Variants in TENM4 observed in about 807,000 individuals in gnomAD.
The protein encoded by TENM4 is teneurin-4.
Under a neutral mutation model 243.3 loss-of-function variants are expected in TENM4, and 82 were observed. That is an observed-to-expected ratio of 0.34 (90% confidence interval 0.28 to 0.40). The LOEUF (loss-of-function observed/expected upper bound fraction) is 0.40. Among genes scored for constraint, TENM4 ranks in the 10% least tolerant of loss-of-function variants. TENM4 has a pLI of 1.00. For missense variants in TENM4, 3,138 were observed against 3,673.3 expected (o/e 0.85, Z 3.77); for synonymous variants, 1,412 against 1,456.3 (o/e 0.97, Z 0.69).
intron 1 of TENM4, among the ~76,000 whole-genome samples, chr11:79,384,937 T>TTAAAATAAAATAAAATAAAA (rs58915516): frequency 0.17 from 18,960 of 114,222 alleles, 2,603 homozygotes; most frequent in Non-Finnish European, 0.21. Context: ...AAAAATAAAA[T>TTAAAATAAAATAAAATAAAA]TAAAATAAAA....
intron 4 of TENM4, among the ~76,000 whole-genome samples, chr11:79,117,504 C>T (rs933529576): frequency 6.6e-6 from 1 of 152,184 alleles, no homozygotes; most frequent in Non-Finnish European, 1.5e-5. Flanking sequence ...GAGCACCTGC[C>T]AGGTGATGGG....
intron 1 of TENM4, among the ~76,000 whole-genome samples, chr11:79,359,440 A>G (rs757608798): frequency 2.0e-5 from 3 of 152,206 alleles, no homozygotes; most frequent in Non-Finnish European, 2.9e-5. Flanking sequence ...TACAGAGGAA[A>G]TAATAGGATG....
chr11:79,402,815 T>TC (rs753867351), intron 1 of TENM4, among the ~76,000 whole-genome samples: 4 of 152,244 alleles, frequency 2.6e-5, no homozygotes, highest in Non-Finnish European at 4.4e-5. Context: ...CATGAAGTTG[T>TC]CAATATTAGA....
intron 9 of TENM4, among the ~76,000 whole-genome samples, chr11:78,873,637 C>A (rs572500623): frequency 6.6e-6 from 1 of 152,270 alleles, no homozygotes; most frequent in African/African-American, 2.4e-5. Context: ...AACAAAGAAA[C>A]CAACATTGCC....
intron 2 of TENM4, among the ~76,000 whole-genome samples, chr11:79,233,556 CT>C: frequency 6.6e-6 from 1 of 152,210 alleles, no homozygotes; most frequent in Admixed American, 6.5e-5. Context: ...AGGCTGACCC[CT>C]GGTTTCCAGA....
chr11:78,801,845 C>G (rs927571373), intron 15 of TENM4, among the ~76,000 whole-genome samples: 4 of 152,164 alleles, frequency 2.6e-5, no homozygotes, highest in Non-Finnish European at 5.9e-5. Flanking sequence ...CTCTGCCATG[C>G]CAGGCAGCAA....
At position 79,342,176 on chromosome 11, in the gene TENM4, G is replaced by A. The variant is rs537377111; in HGVS notation, c.-320-44633C>T. ...AGCTGCCTGGCCCAAGTACCAGGGG[G>A]GCTGTCCAAGCTCTGTGCTGCCAGA... On this transcript the variant is annotated intron_variant, in intron 1 of 33. Coordinates refer to ENST00000278550, the MANE Select transcript of TENM4 (RefSeq NM_001098816.3). 5.1e-4 allele frequency among the ~76,000 whole-genome samples: 77 copies of A among 152,264 alleles called. 1 individual carries two copies. The South Asian group carries it at 0.013, about 25-fold the overall frequency.
rs146769211 is a variant in TENM4 at position 79,273,911 on chromosome 11, C to A, written c.-265+23577G>T. ...TCTGAGGGAGAATCAGAGCCTGGCC[C>A]TCCAGGGGCAGCGGGCTGGCAAGAC... On this transcript the variant is annotated intron_variant, in intron 2 of 33. Transcript: ENST00000278550. Among the ~76,000 whole-genome samples, 539 of 152,342 alleles carry A rather than the reference C, an allele frequency of 3.5e-3. 3 individuals carry two copies. The highest frequency in any genetic ancestry group is 0.012 in the African/African-American group (511 of 41,582).
chr11:78,754,266 T>G (rs998859661), intron 19 of TENM4, among the ~76,000 whole-genome samples: 18 of 152,212 alleles, frequency 1.2e-4, no homozygotes, highest in Admixed American at 9.2e-4. Flanking sequence ...TCTTCCCTAC[T>G]GCTGAGGGGT....
rs192259291 is a variant in TENM4 at position 78,717,643 on chromosome 11, A to G, written c.3821+2727T>C. ...ATAGTGCCTGTTCCACTAAAAAATA[A>G]AATACCCAATAAATGGCAGCTTTTA... On this transcript the variant is annotated intron_variant, in intron 25 of 33. Transcript: ENST00000278550. Among the ~76,000 whole-genome samples, 107 of 152,364 alleles carry G rather than the reference A, an allele frequency of 7.0e-4. 1 individual carries two copies. Among genetic ancestry groups the G allele is most frequent in the African/African-American group, 2.4e-3 (100 of 41,588 alleles).
intron 6 of TENM4, among the ~76,000 whole-genome samples, chr11:79,062,530 TTAAAA>T (rs1370357589): frequency 1.3e-5 from 2 of 152,216 alleles, no homozygotes; most frequent in Non-Finnish European, 2.9e-5. Context: ...CATTAACATC[TTAAAA>T]ACTCTAAGAA....
At chr11:79,031,552 C>T (rs867403703) in intron 6 of TENM4, among the ~76,000 whole-genome samples, 26 of 152,184 alleles carry the variant, frequency 1.7e-4, no homozygotes, top group Middle Eastern at 6.3e-3. Flanking sequence ...GTCTCAGAAT[C>T]CAGCACCGAT....
intron 3 of TENM4, among the ~76,000 whole-genome samples, chr11:79,163,800 TATATATACAC>T (rs1862814856): frequency 1.4e-5 from 2 of 145,696 alleles, no homozygotes; most frequent in South Asian, 2.1e-4. Context: ...TACACACACA[TATATATACAC>T]ATATATATAC....
intron 1 of TENM4, among the ~76,000 whole-genome samples, chr11:79,306,022 G>A (rs1190946596): frequency 6.6e-6 from 1 of 152,188 alleles, no homozygotes; most frequent in African/African-American, 2.4e-5. Flanking sequence ...GCTGGCGCAG[G>A]GGCTCCTCTG....
intron 1 of TENM4, among the ~76,000 whole-genome samples, chr11:79,379,228 C>A (rs1196828962): frequency 6.6e-6 from 1 of 152,158 alleles, no homozygotes; most frequent in East Asian, 1.9e-4. Context: ...GTGCCTGGAG[C>A]AGTGGACTAG....
At chr11:79,047,704 G>A (rs145785049) in intron 6 of TENM4, among the ~76,000 whole-genome samples, 2,283 of 152,246 alleles carry the variant, frequency 0.015, 28 homozygotes, top group Middle Eastern at 0.031. Flanking sequence ...ATGCAGGTTC[G>A]GAGTCAGGCG....
chr11:79,216,867 G>T (rs1303026757), intron 2 of TENM4, among the ~76,000 whole-genome samples: 2 of 152,150 alleles, frequency 1.3e-5, no homozygotes, highest in Non-Finnish European at 2.9e-5. Context: ...TAAGGCACTT[G>T]ATCTGTGGAA....
At chr11:79,121,886 A>C (rs1861752492) in intron 4 of TENM4, among the ~76,000 whole-genome samples, 1 of 152,238 alleles carries the variant, frequency 6.6e-6, no homozygotes, top group African/African-American at 2.4e-5. Context: ...AAATGAGGAT[A>C]ATACCTTTCT....
intron 29 of TENM4, among the ~76,000 whole-genome samples, chr11:78,677,528 T>C (rs1858510565): frequency 6.6e-6 from 1 of 152,114 alleles, no homozygotes; most frequent in Admixed American, 6.5e-5. Flanking sequence ...GCAATGGGAT[T>C]ACAAGTGTGA....
Sources: allele counts gnomAD v4.1 joint callset (sites outside exome capture counted in the v4.1 genomes callset), GRCh38; gene constraint gnomAD v4.1.1; transcripts MANE v1.5; gene names NCBI Gene and HGNC (gene_info 2026-07-23, HGNC 2026-07-21).